The following MINDY4 variants were observed in gnomAD, a reference collection of about 807,000 sequenced individuals.
MINDY4 encodes the protein MINDY lysine 48 deubiquitinase 4.
A neutral mutation model predicts 87.0 loss-of-function variants in MINDY4; 68 were observed. That is an observed-to-expected ratio of 0.78 (90% CI 0.64 to 0.96). The LOEUF (loss-of-function observed/expected upper bound fraction) is 0.96, where lower values mean the gene tolerates loss of function less well. Among genes scored for constraint, MINDY4 ranks in the 40% least tolerant of loss-of-function variants. The pLI is 0.00. For synonymous variants in MINDY4, 379 were observed against 363.2 expected (o/e 1.04, Z -0.50); for missense variants, 919 against 928.2 (o/e 0.99, Z 0.13).
At chr7:30,793,758 T>C (rs13227941) in intron 5 of MINDY4, among the ~76,000 whole-genome samples, 84,485 of 151,886 alleles carry the variant, frequency 0.56, 25,146 homozygotes, top group African/African-American at 0.76. Context: ...GGAAAAAGGG[T>C]AAAGCTGAGC....
chr7:30,802,178 C>G (rs191428207), intron 5 of MINDY4, among the ~76,000 whole-genome samples: 7 of 152,024 alleles, frequency 4.6e-5, no homozygotes, highest in Admixed American at 4.6e-4. Context: ...CCAGCAGTTC[C>G]TGGCTACCAG....
At chr7:30,891,687 C>T (rs1266158538) in intron 17 of MINDY4, among the ~76,000 whole-genome samples, 4 of 152,148 alleles carry the variant, frequency 2.6e-5, no homozygotes, top group African/African-American at 9.7e-5. Flanking sequence ...CCCAGCAGTG[C>T]CAGGCGCAAA....
intron 5 of MINDY4, among the ~76,000 whole-genome samples, chr7:30,820,042 C>T (rs1371333169): frequency 6.7e-6 from 1 of 149,432 alleles, no homozygotes; most frequent in Non-Finnish European, 1.5e-5. Flanking sequence ...GCTGGGACTA[C>T]AGGCGCCCGC....
intron 4 of MINDY4, among the ~76,000 whole-genome samples, chr7:30,789,112 G>A (rs570850416): frequency 6.6e-6 from 1 of 152,224 alleles, no homozygotes; most frequent in African/African-American, 2.4e-5. Flanking sequence ...AAATAGTTTT[G>A]AATTCCCTAA....
rs2128571425 is a variant in MINDY4, at chr7:30,852,293, G to A, written c.1611+14G>A. 1 of 1,614,026 alleles carries A rather than the reference G, an allele frequency of 6.2e-7. No individual in the cohort carries two copies. The highest frequency in any genetic ancestry group is 1.1e-5 in the South Asian group (1 of 91,022). ...GTCTTAGAAACAGTACGACTTTCTG[G>A]AAAATTATCACGCAAACTTTGGCTT... On this transcript the variant is annotated intron_variant, in intron 11 of 17. Coordinates refer to ENST00000265299, the MANE Select transcript of MINDY4 (RefSeq NM_032222.3).
chr7:30,836,625 C>T (rs533987127), intron 6 of MINDY4, 33 bp from the exon 7 acceptor site: 72 of 1,548,330 alleles, frequency 4.7e-5, no homozygotes, highest in Non-Finnish European at 5.9e-5. Context: ...TGAGTCATAA[C>T]GAAGGGCTCA....
chr7:30,800,555 TAATTGGGTGCTA>T (rs1236296322), intron 5 of MINDY4, among the ~76,000 whole-genome samples: 48 of 152,138 alleles, frequency 3.2e-4, no homozygotes, highest in African/African-American at 1.0e-3. Context: ...ATGCCCTGTG[TAATTGGGTGCTA>T]AATTGTGGCC....
chr7:30,772,844 A>C (rs1221451696), intron 1 of MINDY4, among the ~76,000 whole-genome samples: 2 of 152,090 alleles, frequency 1.3e-5, no homozygotes, highest in East Asian at 3.9e-4. Flanking sequence ...CACTGAAAAA[A>C]ACTCTTAGAG....
At chr7:30,882,852 G>C (rs10252929) in intron 16 of MINDY4, 69 bp from the exon 17 acceptor site, 146,141 of 1,468,098 alleles carry the variant, frequency 0.1, 13,899 homozygotes, top group African/African-American at 0.42. Context: ...CTCGGGAGTG[G>C]TCAGCGCTGA....
At chr7:30,808,068 G>T (rs111687901) in intron 5 of MINDY4, among the ~76,000 whole-genome samples, 51 of 152,318 alleles carry the variant, frequency 3.3e-4, no homozygotes, top group African/African-American at 1.1e-3. Context: ...GCTTAGGCCT[G>T]CCCTGTGGGG....
intron 13 of MINDY4, among the ~76,000 whole-genome samples, chr7:30,870,487 A>G (rs544996300): frequency 5.9e-5 from 9 of 152,252 alleles, no homozygotes; most frequent in Non-Finnish European, 1.3e-4. Context: ...GTGAGCCTCA[A>G]CCACCCTTCC....
intron 2 of MINDY4, chr7:30,780,275 T>C (rs924684213): frequency 2.6e-5 from 4 of 152,190 alleles, no homozygotes; most frequent in South Asian, 2.1e-4. Flanking sequence ...CTGTACACTT[T>C]AGGAGAATTT....
intron 6 of MINDY4, 49 bp downstream of exon 6, chr7:30,828,786 T>C (rs1788599570): frequency 2.5e-6 from 4 of 1,589,000 alleles, no homozygotes; most frequent in East Asian, 2.2e-5. Context: ...GCCCAAGGGG[T>C]CCTCGTTGGC....
chr7:30,836,766 T>G lies in MINDY4; in HGVS notation c.1239+2T>G, dbSNP rs770391410. On this transcript the variant is annotated splice_donor_variant, in intron 7 of 17. Coordinates refer to ENST00000265299, the MANE Select transcript of MINDY4 (RefSeq NM_032222.3). LOFTEE classifies it high-confidence loss of function. The stretch of plus-strand genomic sequence containing the variant: ...CCAATTGACCTCTCAGTAGCAAAGG[T>G]AAGTGTAAGGAGACTCCTGGGTTAA... The G allele has an allele frequency of 1.9e-6, 3 of 1,611,666 alleles. No homozygotes were observed. Among genetic ancestry groups the G allele is most frequent in the Non-Finnish European group, 2.5e-6 (3 of 1,177,782 alleles).
chr7:30,778,308 T>G (rs919767960), intron 1 of MINDY4, 124 bp from the exon 2 acceptor site: 1 of 1,212,666 alleles, frequency 8.2e-7, no homozygotes. Context: ...GCAAAGGTGA[T>G]GTCAAGTGTA....
chr7:30,801,179 G>A lies in MINDY4; in HGVS notation c.1073+9605G>A, dbSNP rs140878240. On this transcript the variant is annotated intron_variant, in intron 5 of 17. Coordinates refer to ENST00000265299, the MANE Select transcript of MINDY4 (RefSeq NM_032222.3). Reference sequence around the variant, plus strand: ...GAGGCTTACAGAGGATGTGGCATTTGCGGTTCATTGACTGTTCCCTGCTTC... The same window carrying A: ...GAGGCTTACAGAGGATGTGGCATTTACGGTTCATTGACTGTTCCCTGCTTC... Among the ~76,000 whole-genome samples the A allele has an allele frequency of 1.7e-3, 257 of 152,306 alleles. 1 individual carries two copies. The highest frequency in any genetic ancestry group is 5.8e-3 in the African/African-American group (243 of 41,560).
intron 5 of MINDY4, among the ~76,000 whole-genome samples, chr7:30,814,055 T>C (rs1445169285): frequency 6.6e-6 from 1 of 152,134 alleles, no homozygotes; most frequent in Non-Finnish European, 1.5e-5. Flanking sequence ...GTAAAATAAA[T>C]TACTTTAAAA....
intron 11 of MINDY4, among the ~76,000 whole-genome samples, chr7:30,852,898 G>C (rs764635720): frequency 6.6e-6 from 1 of 152,210 alleles, no homozygotes; most frequent in Admixed American, 6.5e-5. Flanking sequence ...TGAGGGTCTC[G>C]CATTGTTGAA....
intron 17 of MINDY4, among the ~76,000 whole-genome samples, chr7:30,888,710 T>G (rs532006315): frequency 6.6e-6 from 1 of 152,366 alleles, no homozygotes; most frequent in South Asian, 2.1e-4. Context: ...GCCCTTTCAA[T>G]TTTTAAAATG....
Sources: gnomAD v4.1 joint callset for allele counts (sites outside exome capture counted in the v4.1 genomes callset) on GRCh38, gnomAD v4.1.1 for gene constraint, MANE v1.5 for transcripts, NCBI Gene and HGNC (gene_info 2026-07-23, HGNC 2026-07-21) for gene names.